PDE4D: variants seen among roughly 807,000 people sequenced by gnomAD.
The protein encoded by PDE4D is 3',5'-cyclic-AMP phosphodiesterase 4D.
Under a neutral mutation model 87.4 loss-of-function variants are expected in PDE4D, and 24 were observed. That is an observed-to-expected ratio of 0.27 (90% CI 0.20 to 0.39). The LOEUF (loss-of-function observed/expected upper bound fraction) is 0.39. Ranked by LOEUF, PDE4D falls within the 10% of genes least tolerant of loss-of-function variation. The pLI is 1.00. For missense variants in PDE4D, 714 were observed against 1,041.0 expected (o/e 0.69, Z 4.32); for synonymous variants, 384 against 383.2 (o/e 1.00, Z -0.02).
chr5:59,745,427 C>CT (rs1346554051), intron 1 of PDE4D, among the ~76,000 whole-genome samples: 3 of 152,146 alleles, frequency 2.0e-5, no homozygotes, highest in Non-Finnish European at 4.4e-5. Flanking sequence ...TCTGAATGAG[C>CT]TTTTTCCAGT....
chr5:59,990,460 G>A (rs1762891716), intron 2 of PDE4D, among the ~76,000 whole-genome samples: 2 of 151,980 alleles, frequency 1.3e-5, no homozygotes, highest in African/African-American at 2.4e-5. Flanking sequence ...GTGAGATGGT[G>A]GACTCTATCC....
intron 3 of PDE4D, among the ~76,000 whole-genome samples, chr5:59,953,693 C>A (rs1467695415): frequency 1.3e-5 from 2 of 152,084 alleles, no homozygotes. Context: ...CTATAAATTA[C>A]AAGGAATATT....
chr5:60,099,770 CT>C (rs752984423), intron 2 of PDE4D, among the ~76,000 whole-genome samples: 4 of 151,956 alleles, frequency 2.6e-5, no homozygotes, highest in Non-Finnish European at 5.9e-5. Flanking sequence ...CACTTTCAGA[CT>C]TTGCTGTAGG....
At chr5:60,097,265 TTGTG>T (rs57591657) in intron 2 of PDE4D, among the ~76,000 whole-genome samples, 5 of 146,474 alleles carry the variant, frequency 3.4e-5, no homozygotes, top group Admixed American at 1.4e-4. Context: ...TGCTATGAAG[TTGTG>T]TGTGTGTGTG....
At chr5:60,183,845 C>T (rs1784569048) in intron 2 of PDE4D, among the ~76,000 whole-genome samples, 1 of 151,990 alleles carries the variant, frequency 6.6e-6, no homozygotes, top group African/African-American at 2.4e-5. Flanking sequence ...ATTTTATAGC[C>T]CTAAAGTGAC....
intron 1 of PDE4D, among the ~76,000 whole-genome samples, chr5:59,762,401 T>G (rs555800415): frequency 8.1e-6 from 1 of 123,086 alleles, no homozygotes; most frequent in African/African-American, 3.2e-5. Flanking sequence ...GGTACACATG[T>G]GTATATGTGT....
At chr5:59,350,087 C>G (rs751783088) in intron 1 of PDE4D, among the ~76,000 whole-genome samples, 3 of 152,018 alleles carry the variant, frequency 2.0e-5, no homozygotes, top group Non-Finnish European at 2.9e-5. Context: ...TTACAAAAAC[C>G]CTATTGTAGC....
At chr5:59,704,811 G>A (rs1580548109) in intron 1 of PDE4D, among the ~76,000 whole-genome samples, 2 of 152,288 alleles carry the variant, frequency 1.3e-5, no homozygotes, top group South Asian at 4.1e-4. Context: ...AGACAATGTA[G>A]ACATAAAAGT....
intron 1 of PDE4D, among the ~76,000 whole-genome samples, chr5:59,472,226 C>T (rs1364868172): frequency 6.6e-6 from 1 of 152,162 alleles, no homozygotes; most frequent in African/African-American, 2.4e-5. Flanking sequence ...AATATGCTTG[C>T]TGACCAAAGC....
At chr5:60,397,518 A>G (rs568644520) in intron 1 of PDE4D, among the ~76,000 whole-genome samples, 43 of 152,364 alleles carry the variant, frequency 2.8e-4, no homozygotes, top group African/African-American at 1.0e-3. Flanking sequence ...ACATCATATT[A>G]AGTGAAATAA....
chr5:60,319,400 A>G (rs974337993), intron 1 of PDE4D, among the ~76,000 whole-genome samples: 1 of 152,094 alleles, frequency 6.6e-6, no homozygotes, highest in Non-Finnish European at 1.5e-5. Flanking sequence ...TCGTTTTTCA[A>G]GGTTTTTAAC....
chr5:58,969,253 CGT>C lies in PDE4D; in HGVS notation c.*5409_*5410del, dbSNP rs1742193221. Reference sequence around the variant, plus strand: ...GAGAGACAGATAACAAAAACAAACACGTATATAAATCTGTGAGAAGTGTTATA... The same window carrying C: ...GAGAGACAGATAACAAAAACAAACACATATAAATCTGTGAGAAGTGTTATA... On this transcript the variant is annotated 3_prime_UTR_variant, in exon 15 of 15. Coordinates refer to ENST00000340635, the MANE Select transcript of PDE4D (RefSeq NM_001104631.2). 1 of 152,032 alleles carries C rather than the reference CGT, an allele frequency of 6.6e-6. No individual in the cohort carries two copies. The highest frequency in any genetic ancestry group is 2.4e-5 in the African/African-American group (1 of 41,394). The allele number at this position is 152,032 out of a possible 1,614,324, so 9.4% of individuals were successfully genotyped here.
At chr5:60,468,650 GT>G (rs775875425) in intron 1 of PDE4D, among the ~76,000 whole-genome samples, 16 of 151,194 alleles carry the variant, frequency 1.1e-4, no homozygotes, top group Non-Finnish European at 2.2e-4. Flanking sequence ...TACTTTTTAA[GT>G]AGCTGGAAGT....
intron 1 of PDE4D, among the ~76,000 whole-genome samples, chr5:59,256,834 T>C (rs1761072437): frequency 6.6e-6 from 1 of 152,066 alleles, no homozygotes; most frequent in Non-Finnish European, 1.5e-5. Context: ...TACGTAAATA[T>C]ACTAAAAATC....
intron 1 of PDE4D, among the ~76,000 whole-genome samples, chr5:59,666,743 G>A (rs776504810): frequency 7.2e-5 from 11 of 152,190 alleles, no homozygotes; most frequent in Non-Finnish European, 1.0e-4. Flanking sequence ...TCCACAACCC[G>A]TTAGAAATTT....
At chr5:59,281,015 C>CGTAGA (rs1765704202) in intron 1 of PDE4D, among the ~76,000 whole-genome samples, 2 of 152,046 alleles carry the variant, frequency 1.3e-5, no homozygotes, top group Non-Finnish European at 2.9e-5. Flanking sequence ...CCATCCTTCT[C>CGTAGA]CTACTCTTTG....
chr5:59,631,541 G>A (rs757973640), intron 1 of PDE4D, among the ~76,000 whole-genome samples: 1 of 152,034 alleles, frequency 6.6e-6, no homozygotes, highest in Non-Finnish European at 1.5e-5. Flanking sequence ...TTCCAACTGA[G>A]GTACCCAGCT....
Position 58,975,200 on chromosome 5 carries a change from G to A in PDE4D, c.2014-120C>T. The A allele has an allele frequency of 5.5e-6, 3 of 544,606 alleles. No individual in the cohort carries two copies. The highest frequency in any genetic ancestry group is 7.4e-5 in the South Asian group (1 of 13,582). The allele number at this position is 544,606 out of a possible 1,614,324, so 33.7% of individuals were successfully genotyped here. A position where few individuals can be genotyped will look rare whatever the true frequency, so the allele number is the denominator to read the frequency against. On this transcript the variant is annotated intron_variant, in intron 14 of 14. Coordinates refer to ENST00000340635, the MANE Select transcript of PDE4D (RefSeq NM_001104631.2). The surrounding 1 kb of genome is among the most constrained non-coding windows in gnomAD (Gnocchi z 4.2). ...AACAGAAGACTACTAAACTTAGTTTGGTAAAATTGTCACTATTTTCAACAA... is the reference window on the plus strand; with the variant it reads ...AACAGAAGACTACTAAACTTAGTTTAGTAAAATTGTCACTATTTTCAACAA...
At chr5:60,266,279 G>C (rs888143204) in intron 1 of PDE4D, among the ~76,000 whole-genome samples, 1 of 152,176 alleles carries the variant, frequency 6.6e-6, no homozygotes, top group Non-Finnish European at 1.5e-5. Context: ...CCCACAGCAG[G>C]ATATTGGAAA....
Sources: allele counts gnomAD v4.1 joint callset (sites outside exome capture counted in the v4.1 genomes callset), GRCh38; gene constraint gnomAD v4.1.1; non-coding constraint Gnocchi (gnomAD v3.1); transcripts MANE v1.5; gene names NCBI Gene and HGNC (gene_info 2026-07-23, HGNC 2026-07-21).